Variants in NUP133 observed in about 807,000 individuals in gnomAD.
The protein encoded by NUP133 is nucleoporin 133.
Under a neutral mutation model 146.2 loss-of-function variants are expected in NUP133, and 66 were observed. The ratio of observed to expected loss-of-function variants is 0.45; its 90% CI spans 0.37 to 0.55. The LOEUF is 0.55. Among genes scored for constraint, NUP133 ranks in the 20% least tolerant of loss-of-function variants. The pLI is 0.00. For synonymous variants in NUP133, 521 were observed against 498.8 expected (o/e 1.04, Z -0.59); for missense variants, 1,277 against 1,374.8 (o/e 0.93, Z 1.12).
intron 11 of NUP133, among the ~76,000 whole-genome samples, chr1:229,485,863 T>C (rs1371920976): frequency 1.3e-5 from 2 of 152,150 alleles, no homozygotes; most frequent in Admixed American, 1.3e-4. Context: ...TAAAATAATC[T>C]GATAAAACTA....
Position 229,449,123 on chromosome 1 carries a change from T to TA in NUP133, c.3245+2dup, listed in dbSNP as rs780949130. The TA allele has an allele frequency of 6.2e-7, 1 of 1,609,470 alleles. No individual in the cohort carries two copies. Among genetic ancestry groups the TA allele is most frequent in the South Asian group, 1.1e-5 (1 of 90,988 alleles). ...CCAAAGAAGCAATGCCACGAGCACT[T>TA]ACTTATCTCTCTGAAGAGCTTTGCA... On this transcript the variant is annotated splice_region_variant and intron_variant, in intron 24 of 25. Coordinates refer to ENST00000261396, the MANE Select transcript of NUP133 (RefSeq NM_018230.3).
chr1:229,495,658 C>T, intron 7 of NUP133, 93 bp from the exon 8 acceptor site: 2 of 996,416 alleles, frequency 2.0e-6, no homozygotes, highest in East Asian at 5.0e-5. Flanking sequence ...GTGCTTCACC[C>T]ATAACTCAGT....
intron 13 of NUP133, among the ~76,000 whole-genome samples, chr1:229,477,164 G>A (rs963008197): frequency 6.6e-6 from 1 of 151,990 alleles, no homozygotes; most frequent in Non-Finnish European, 1.5e-5. Flanking sequence ...ACCTGGCCGG[G>A]CCTGGTGGCT....
At chr1:229,489,221 A>C (rs1661450317) in intron 9 of NUP133, among the ~76,000 whole-genome samples, 1 of 152,080 alleles carries the variant, frequency 6.6e-6, no homozygotes, top group African/African-American at 2.4e-5. Context: ...ACAGGTGTGA[A>C]TATGGTACAC....
intron 24 of NUP133, among the ~76,000 whole-genome samples, chr1:229,447,463 G>C (rs912623456): frequency 6.6e-6 from 1 of 151,402 alleles, no homozygotes; most frequent in Non-Finnish European, 1.5e-5. Flanking sequence ...GATCTCCATA[G>C]ATGTCTTTTT....
At chr1:229,476,120 GGA>G (rs1661068778) in intron 13 of NUP133, among the ~76,000 whole-genome samples, 1 of 145,974 alleles carries the variant, frequency 6.9e-6, no homozygotes, top group Non-Finnish European at 1.5e-5. Flanking sequence ...AAAAGAAAAG[GGA>G]AAAAAAAAAA....
chr1:229,503,990 T>C lies in NUP133; in HGVS notation c.302-1888A>G, dbSNP rs546496097. 1.2e-4 allele frequency among the ~76,000 whole-genome samples: 18 copies of C among 148,950 alleles called. No homozygotes were observed. The South Asian group carries it at 3.2e-3, about 26-fold the overall frequency. On this transcript the variant is annotated intron_variant, in intron 2 of 25. Coordinates refer to ENST00000261396, the MANE Select transcript of NUP133 (RefSeq NM_018230.3). ...ACACATATATACCAATATATATATA[T>C]ACATTTATTTATTTAAAACAGAACA...
intron 21 of NUP133, among the ~76,000 whole-genome samples, chr1:229,454,684 G>C (rs1660523489): frequency 1.3e-5 from 2 of 152,176 alleles, no homozygotes; most frequent in African/African-American, 4.8e-5. Context: ...TAAAAGCTAA[G>C]AAGTGATCAA....
chr1:229,453,386 G>A (rs895846399), intron 21 of NUP133, among the ~76,000 whole-genome samples: 1 of 152,138 alleles, frequency 6.6e-6, no homozygotes, highest in Non-Finnish European at 1.5e-5. Context: ...ACTTTCCTAG[G>A]CTTCTTGGGA....
intron 11 of NUP133, among the ~76,000 whole-genome samples, chr1:229,484,784 T>C (rs1223270949): frequency 1.3e-5 from 2 of 152,172 alleles, no homozygotes; most frequent in Non-Finnish European, 2.9e-5. Flanking sequence ...ACCATACAAT[T>C]ACAAAATAGA....
intron 19 of NUP133, among the ~76,000 whole-genome samples, chr1:229,462,056 G>T (rs957286279): frequency 2.0e-5 from 3 of 152,186 alleles, no homozygotes; most frequent in Admixed American, 6.5e-5. Context: ...GCTAATTTTT[G>T]TATTTTTAGA....
chr1:229,484,397 G>T (rs559147926), intron 11 of NUP133, among the ~76,000 whole-genome samples: 1 of 152,012 alleles, frequency 6.6e-6, no homozygotes, highest in Admixed American at 6.6e-5. Context: ...TATGTTTCAA[G>T]CAAGTTTACG....
chr1:229,474,894 G>A (rs1661039934), intron 14 of NUP133, among the ~76,000 whole-genome samples: 3 of 152,038 alleles, frequency 2.0e-5, no homozygotes, highest in Admixed American at 6.6e-5. Context: ...CTTGAGCCCA[G>A]GAGTTCGAGA....
At chr1:229,485,754 C>T (rs1343388265) in intron 11 of NUP133, among the ~76,000 whole-genome samples, 1 of 152,138 alleles carries the variant, frequency 6.6e-6, no homozygotes, top group East Asian at 1.9e-4. Flanking sequence ...AATGTAGTTG[C>T]TCCAGGCAAA....
At chr1:229,479,850 C>T (rs2102769416) in intron 12 of NUP133, among the ~76,000 whole-genome samples, 1 of 152,324 alleles carries the variant, frequency 6.6e-6, no homozygotes. Context: ...AGAATGTAGA[C>T]ATCCTTTCAG....
intron 15 of NUP133, among the ~76,000 whole-genome samples, chr1:229,468,904 C>T (rs765899461): frequency 1.4e-4 from 21 of 152,176 alleles, no homozygotes; most frequent in Non-Finnish European, 2.9e-5. Flanking sequence ...GCTTTTCCTT[C>T]CATTCCCCAG....
At position 229,452,592 on chromosome 1, in the gene NUP133, T is replaced by C. The variant is rs1660476554; in HGVS notation, c.3032A>G (p.Gln1011Arg). The C allele has an allele frequency of 6.2e-7, 1 of 1,613,806 alleles. No individual in the cohort carries two copies. The highest frequency in any genetic ancestry group is 8.5e-7 in the Non-Finnish European group (1 of 1,179,832). ...FLLHQETLPE[Q>R]LLAEKQLNLS... ...ATTTAGCTGTTTCTCCGCCAGCAGCTGTTCAGGTAGGGTCTCCTGATGCAG... is the reference window on the plus strand; with the variant it reads ...ATTTAGCTGTTTCTCCGCCAGCAGCCGTTCAGGTAGGGTCTCCTGATGCAG... Residue 1011 changes from glutamine (Q) to arginine (R), a missense_variant, in exon 22 of 26, where the codon CAG (glutamine) becomes CGG (arginine). Transcript: ENST00000261396.
rs578077207 is a variant in NUP133, at chr1:229,486,278, T to C, written c.1500+93A>G. Reference sequence around the variant, plus strand: ...TTGGGGCTGCAATGAACTACGACTGTGCCACTGCACTCTAGCCTGGGTGAC... The same window carrying C: ...TTGGGGCTGCAATGAACTACGACTGCGCCACTGCACTCTAGCCTGGGTGAC... On this transcript the variant is annotated intron_variant, in intron 11 of 25. Transcript: ENST00000261396. The C allele has an allele frequency of 7.0e-6, 8 of 1,135,962 alleles. No homozygotes were observed. The East Asian group carries it at 8.4e-5, about 12-fold the overall frequency. 70.4% of individuals were successfully genotyped at this position (1,135,962 alleles called of 1,614,324 possible). A position where few individuals can be genotyped will look rare whatever the true frequency, so the allele number is the denominator to read the frequency against.
In NUP133 at chr1:229,461,148, T is replaced by C. The variant is rs140279934; in HGVS notation, c.2686-379A>G. On this transcript the variant is annotated intron_variant, in intron 19 of 25. Transcript: ENST00000261396. ...AGCCCCATGTGGCCAGTGGCTCCCA[T>C]TTGGACAGCGCATTATCAACAGCTC... 3.0e-3 allele frequency among the ~76,000 whole-genome samples: 452 copies of C among 152,266 alleles called. 3 individuals are homozygous for C. The highest frequency in any genetic ancestry group is 0.01 in the African/African-American group (420 of 41,558).
Sources: allele counts gnomAD v4.1 joint callset (sites outside exome capture counted in the v4.1 genomes callset), GRCh38; gene constraint gnomAD v4.1.1; transcripts MANE v1.5; gene names NCBI Gene and HGNC (gene_info 2026-07-23, HGNC 2026-07-21).